The following TERT variants were observed in gnomAD, a reference collection of about 807,000 sequenced individuals.
TERT encodes telomerase reverse transcriptase.
In TERT, 42 loss-of-function variants were observed where a neutral mutation model predicts 104.0. That is an observed-to-expected ratio of 0.40 (90% CI 0.32 to 0.52). The LOEUF is 0.52. Ranked by LOEUF, TERT falls within the 20% of genes least tolerant of loss-of-function variation. The probability of loss-of-function intolerance (pLI) is 0.43; values close to 1 mark genes in which losing one functional copy is unlikely to be tolerated. For synonymous variants in TERT, 781 were observed against 725.6 expected (o/e 1.08, Z -1.23); for missense variants, 1,101 against 1,610.3 (o/e 0.68, Z 5.41).
rs542039859 is a variant in TERT at position 1,270,039 on chromosome 5, T to G, written c.2468+1080A>C. 7.9e-5 allele frequency among the ~76,000 whole-genome samples: 12 copies of G among 152,086 alleles called. No homozygotes were observed. In the South Asian group the frequency reaches 8.3e-4, roughly 11 times the overall value. Reference sequence around the variant, plus strand: ...AATTCACGACCACGAAGGAGGCCCGTGGTGGCTTCTCTGGGGAGGTGACTT... The same window carrying G: ...AATTCACGACCACGAAGGAGGCCCGGGGTGGCTTCTCTGGGGAGGTGACTT... On this transcript the variant is annotated intron_variant, in intron 8 of 15. Coordinates refer to ENST00000310581, the MANE Select transcript of TERT (RefSeq NM_198253.3). This position sits in a 1 kb window ranked among gnomAD's most constrained non-coding sequence, Gnocchi z 8.3.
Position 1,287,383 on chromosome 5 carries a change from CCAGCTATT to C in TERT, c.1574-4767_1574-4760del, listed in dbSNP as rs887503515. On this transcript the variant is annotated intron_variant, in intron 2 of 15. Coordinates refer to ENST00000310581, the MANE Select transcript of TERT (RefSeq NM_198253.3). This position sits in a 1 kb window ranked among gnomAD's most constrained non-coding sequence, Gnocchi z 4.3. Reference sequence around the variant, plus strand: ...GGTGTAGCGGTGCGTGTCTGCAGTTCCAGCTATTCAGGAGGCTGAGGTGAGAGGACGGC... The same window carrying C: ...GGTGTAGCGGTGCGTGTCTGCAGTTCCAGGAGGCTGAGGTGAGAGGACGGC... 2.0e-5 allele frequency among the ~76,000 whole-genome samples: 3 copies of C among 151,652 alleles called. No individual in the cohort carries two copies. Among genetic ancestry groups the C allele is most frequent in the Non-Finnish European group, 4.4e-5 (3 of 67,910 alleles).
Position 1,282,632 on chromosome 5 carries a change from G to T in TERT, c.1574-8C>A. 1 of 1,613,528 alleles carries T rather than the reference G, an allele frequency of 6.2e-7. No individual in the cohort carries two copies. The highest frequency in any genetic ancestry group is 8.5e-7 in the Non-Finnish European group (1 of 1,179,958). ...CCGGAACACAGCCAACCCCTTAAAC[G>T]AGAAGGACATGCCACATCCAGATCA... On this transcript the variant is annotated splice_polypyrimidine_tract_variant and splice_region_variant and intron_variant, in intron 2 of 15. Transcript: ENST00000310581.
intron 2 of TERT, among the ~76,000 whole-genome samples, chr5:1,283,197 A>C (rs7713218): frequency 7.7e-5 from 9 of 116,504 alleles, no homozygotes; most frequent in East Asian, 2.9e-4. Context: ...TCCGGACACC[A>C]CACATCCAGC....
chr5:1,272,057 C>G, intron 7 of TERT, 128 bp downstream of exon 7: 1 of 827,782 alleles, frequency 1.2e-6, no homozygotes. Flanking sequence ...CATCATGCCC[C>G]CATCACAGCT....
Position 1,292,614 on chromosome 5 carries a change from G to C in TERT, c.1573+699C>G, listed in dbSNP as rs998834972. Among the ~76,000 whole-genome samples, 1 of 152,134 alleles carries C rather than the reference G, an allele frequency of 6.6e-6. No individual in the cohort carries two copies. The highest frequency in any genetic ancestry group is 1.5e-5 in the Non-Finnish European group (1 of 68,040). ...TGCAGCCTCCGCCTCCTGGGTTCAA[G>C]TGATTCTCCTGCCTCAGCCTCCCAA... On this transcript the variant is annotated intron_variant, in intron 2 of 15. Transcript: ENST00000310581. This position sits in a 1 kb window ranked among gnomAD's most constrained non-coding sequence, Gnocchi z 5.5.
At position 1,261,265 on chromosome 5, in the gene TERT, G is replaced by A. The variant is rs986961890; in HGVS notation, c.2844-665C>T. 1.3e-5 allele frequency among the ~76,000 whole-genome samples: 2 copies of A among 152,168 alleles called. No homozygotes were observed. The highest frequency in any genetic ancestry group is 2.9e-5 in the Non-Finnish European group (2 of 68,040). ...TGAACACTGCTACATTGAAATAAAC[G>A]TTTTGTGCCATTAAACATTCTTCAA... On this transcript the variant is annotated intron_variant, in intron 11 of 15. Coordinates refer to ENST00000310581, the MANE Select transcript of TERT (RefSeq NM_198253.3). This position sits in a 1 kb window ranked among gnomAD's most constrained non-coding sequence, Gnocchi z 7.4.
chr5:1,283,951 G>A (rs1449754982), intron 2 of TERT, among the ~76,000 whole-genome samples: 2 of 147,178 alleles, frequency 1.4e-5, no homozygotes, highest in African/African-American at 2.5e-5. Context: ...GCTCACCGCA[G>A]GGCCTGGTGA....
intron 2 of TERT, among the ~76,000 whole-genome samples, chr5:1,291,285 C>T (rs373053182): frequency 4.6e-4 from 20 of 43,124 alleles, no homozygotes; most frequent in East Asian, 7.4e-4. Flanking sequence ...ACTCACCCTA[C>T]ACCTGGGAGG....
chr5:1,276,179 T>C (rs1403581306), intron 6 of TERT, among the ~76,000 whole-genome samples: 2 of 107,994 alleles, frequency 1.9e-5, no homozygotes, highest in Non-Finnish European at 3.8e-5. Flanking sequence ...TAAAAACCAA[T>C]CCCACAGGTC....
At chr5:1,284,562 T>C (rs866268541) in intron 2 of TERT, among the ~76,000 whole-genome samples, 11 of 148,408 alleles carry the variant, frequency 7.4e-5, no homozygotes, top group African/African-American at 2.8e-4. Flanking sequence ...CCGCAGGGTC[T>C]GGCGACCTCA....
intron 2 of TERT, 36 bp from the exon 3 acceptor site, chr5:1,282,660 G>A (rs745776406): frequency 1.4e-5 from 22 of 1,607,196 alleles, no homozygotes; most frequent in South Asian, 3.3e-5. Context: ...CCAGATCACC[G>A]AGGGCCTGGT....
intron 2 of TERT, among the ~76,000 whole-genome samples, chr5:1,291,543 ACAGGGACACCCGGGGACCGCGCC>A: frequency 1.8e-5 from 2 of 113,430 alleles, no homozygotes; most frequent in African/African-American, 7.0e-5. Flanking sequence ...CCTACACGTG[ACAGGGACACCCGGGGACCGCGCC>A]TCACTCACCC....
rs1457569549 is a variant in TERT, at chr5:1,264,541, CT to C, written c.2705del (p.Lys902ArgfsTer4). 1 of 1,614,024 alleles carries C rather than the reference CT, an allele frequency of 6.2e-7. No homozygotes were observed. On this transcript the variant is annotated frameshift_variant, in exon 11 of 16. Coordinates refer to ENST00000310581, the MANE Select transcript of TERT (RefSeq NM_198253.3). LOFTEE classifies it high-confidence loss of function. Reference protein sequence around the residue: ...PEYGCVVNLRKTVVNFPVEDE... With the variant: ...PEYGCVVNLRXTVVNFPVEDE... ...CTTCTACAGGGAAGTTCACCACTGTCTTCCGCAAGTTCACCACGCAGCCATA... is the reference window on the plus strand; with the variant it reads ...CTTCTACAGGGAAGTTCACCACTGTCTCCGCAAGTTCACCACGCAGCCATA...
chr5:1,277,462 G>A (rs33961405), intron 6 of TERT, among the ~76,000 whole-genome samples: 65,164 of 152,004 alleles, frequency 0.43, 14,844 homozygotes, highest in Non-Finnish European at 0.51. Flanking sequence ...CAGCTGAGGC[G>A]TTCAGCATAG....
chr5:1,288,416 G>T lies in TERT; in HGVS notation c.1573+4897C>A, dbSNP rs1352483387. ...AAATTCAAAACTAAGACCCAAGAGG[G>T]AAGTCTGACGAAGGCTGGCGGAGAC... is the stretch of plus-strand genomic sequence containing the variant. On this transcript the variant is annotated intron_variant, in intron 2 of 15. Transcript: ENST00000310581. The surrounding 1 kb of genome is among the most constrained non-coding windows in gnomAD (Gnocchi z 5.3). 3.3e-5 allele frequency among the ~76,000 whole-genome samples: 5 copies of T among 152,294 alleles called. No individual in the cohort carries two copies. The highest frequency in any genetic ancestry group is 1.2e-4 in the African/African-American group (5 of 41,558).
At chr5:1,279,131 G>C (rs544875845) in intron 5 of TERT, among the ~76,000 whole-genome samples, 160 bp downstream of exon 5, 1 of 152,194 alleles carries the variant, frequency 6.6e-6, no homozygotes, top group Non-Finnish European at 1.5e-5. Flanking sequence ...AAGGCTGAAG[G>C]CCTCCACCCT....
rs1345347958 is a variant in TERT, at chr5:1,256,122, C to A, written c.3033-711G>T. 6.6e-6 allele frequency among the ~76,000 whole-genome samples: 1 copy of A among 152,154 alleles called. No homozygotes were observed. The highest frequency in any genetic ancestry group is 2.4e-5 in the African/African-American group (1 of 41,410). ...ACCTCCTGGGCTCAAGTGATCCTCC[C>A]ACTTCAGCCTCCCAAGTATTGGAAC... is the stretch of plus-strand genomic sequence containing the variant. On this transcript the variant is annotated intron_variant, in intron 13 of 15. Coordinates refer to ENST00000310581, the MANE Select transcript of TERT (RefSeq NM_198253.3). The surrounding 1 kb of genome is among the most constrained non-coding windows in gnomAD (Gnocchi z 7.0).
In TERT at chr5:1,282,574, C is replaced by T; in HGVS notation, c.1624G>A (p.Ala542Thr). 2 of 1,614,114 alleles carry T rather than the reference C, an allele frequency of 1.2e-6. No individual in the cohort carries two copies. The highest frequency in any genetic ancestry group is 1.7e-6 in the Non-Finnish European group (2 of 1,180,036). ...AEHRLREEIL[A>T]KFLHWLMSVY... ...CTCATCAGCCAGTGCAGGAACTTGG[C>T]CAGGATCTCCTCACGCAGACGGTGC... Residue 542 changes from alanine (A) to threonine (T), a missense_variant, in exon 3 of 16, where the codon GCC becomes ACC. Ala to Thr is a moderately conservative substitution (Grantham distance 58, BLOSUM62 0). Coordinates refer to ENST00000310581, the MANE Select transcript of TERT (RefSeq NM_198253.3).
At chr5:1,259,761 AG>A in intron 12 of TERT, among the ~76,000 whole-genome samples, 1 of 122,158 alleles carries the variant, frequency 8.2e-6, no homozygotes, top group African/African-American at 3.3e-5. Flanking sequence ...CCCACAGGAG[AG>A]GGGGAGTGGA....
Sources: allele counts gnomAD v4.1 joint callset (sites outside exome capture counted in the v4.1 genomes callset), GRCh38; gene constraint gnomAD v4.1.1; non-coding constraint Gnocchi (gnomAD v3.1); transcripts MANE v1.5; gene names NCBI Gene and HGNC (gene_info 2026-07-23, HGNC 2026-07-21).